The following KDM2A variants were observed in gnomAD, a reference collection of about 807,000 sequenced individuals.
KDM2A encodes the protein lysine-specific demethylase 2A.
KDM2A carries 3 observed loss-of-function variants against 137.3 expected under a neutral mutation model. The observed-to-expected ratio is 0.02, with a 90% CI of 0.01 to 0.06. KDM2A has a LOEUF of 0.06. Among genes scored for constraint, KDM2A ranks in the 10% least tolerant of loss-of-function variants. The pLI is 1.00. For synonymous variants in KDM2A, 512 were observed against 541.5 expected (o/e 0.95, Z 0.76); for missense variants, 738 against 1,510.6 (o/e 0.49, Z 8.48).
chr11:67,202,119 G>GT (rs1265157620), intron 5 of KDM2A, among the ~76,000 whole-genome samples: 1 of 152,132 alleles, frequency 6.6e-6, no homozygotes, highest in Non-Finnish European at 1.5e-5. Flanking sequence ...GGTGAAAATA[G>GT]TGAGAGAGCT....
intron 18 of KDM2A, 124 bp from the exon 19 acceptor site, chr11:67,253,327 TAA>T: frequency 1.2e-6 from 1 of 814,408 alleles, no homozygotes; most frequent in Non-Finnish European, 2.0e-6. Context: ...GCTGGATGAC[TAA>T]AAGATTAGGC....
chr11:67,200,826 A>AT (rs1218387898), intron 5 of KDM2A, among the ~76,000 whole-genome samples: 1 of 152,124 alleles, frequency 6.6e-6, no homozygotes, highest in African/African-American at 2.4e-5. Flanking sequence ...TACCGTTTTC[A>AT]TGCCAGATAG....
chr11:67,231,173 A>G (rs985565964), intron 11 of KDM2A, among the ~76,000 whole-genome samples: 1 of 152,042 alleles, frequency 6.6e-6, no homozygotes, highest in Non-Finnish European at 1.5e-5. Context: ...GGCTAAAACT[A>G]TTTTTTAAAC....
At chr11:67,253,985 G>A (rs1296113942) in intron 19 of KDM2A, among the ~76,000 whole-genome samples, 1 of 152,186 alleles carries the variant, frequency 6.6e-6, no homozygotes, top group Non-Finnish European at 1.5e-5. Context: ...GTGTGCATGA[G>A]GCATAATCTA....
intron 5 of KDM2A, among the ~76,000 whole-genome samples, chr11:67,191,032 A>T (rs1244541463): frequency 6.6e-6 from 1 of 152,182 alleles, no homozygotes; most frequent in Admixed American, 6.6e-5. Context: ...CAAAGAATTT[A>T]AGAGGGAACA....
chr11:67,227,788 C>T (rs1027610474), intron 10 of KDM2A, among the ~76,000 whole-genome samples: 1 of 152,090 alleles, frequency 6.6e-6, no homozygotes, highest in Admixed American at 6.5e-5. Flanking sequence ...TCAGGCTGGT[C>T]GCGAACTCCT....
At chr11:67,247,061 ATATATATATATTTTTTT>A (rs1859254375) in intron 15 of KDM2A, among the ~76,000 whole-genome samples, 1 of 24,478 alleles carries the variant, frequency 4.1e-5, no homozygotes, top group African/African-American at 1.8e-4. Flanking sequence ...ATATATATAT[ATATATATATATTTTTTT>A]TTTTTTTTTT....
chr11:67,130,629 C>G (rs1245247876), intron 2 of KDM2A, among the ~76,000 whole-genome samples: 4 of 152,022 alleles, frequency 2.6e-5, no homozygotes, highest in Non-Finnish European at 5.9e-5. Flanking sequence ...TTCTTTGTAT[C>G]TTTCTATTTT....
chr11:67,231,038 C>T (rs1858701539), intron 11 of KDM2A, among the ~76,000 whole-genome samples: 2 of 151,854 alleles, frequency 1.3e-5, no homozygotes, highest in Admixed American at 1.3e-4. Flanking sequence ...CTCACTGCAG[C>T]CTCAACCTCC....
intron 2 of KDM2A, among the ~76,000 whole-genome samples, chr11:67,124,880 C>A (rs1460815090): frequency 2.0e-5 from 3 of 146,406 alleles, no homozygotes; most frequent in Non-Finnish European, 3.0e-5. Context: ...TTTTTTGAGA[C>A]AGAGTCTTGC....
intron 2 of KDM2A, among the ~76,000 whole-genome samples, chr11:67,178,758 A>C (rs2136333185): frequency 6.6e-6 from 1 of 152,256 alleles, no homozygotes; most frequent in South Asian, 2.1e-4. Flanking sequence ...ATCTCATTGT[A>C]TAGGTATACC....
intron 12 of KDM2A, 81 bp downstream of exon 12, chr11:67,232,041 G>T (rs1858734014): frequency 7.2e-7 from 1 of 1,396,412 alleles, no homozygotes; most frequent in Non-Finnish European, 9.6e-7. Flanking sequence ...GAAAATATAG[G>T]AATTTTGGGT....
intron 2 of KDM2A, among the ~76,000 whole-genome samples, chr11:67,130,230 A>G (rs761893693): frequency 6.6e-6 from 1 of 151,506 alleles, no homozygotes; most frequent in African/African-American, 2.4e-5. Flanking sequence ...TTGAACTCAT[A>G]CTTCGTGTTT....
intron 2 of KDM2A, among the ~76,000 whole-genome samples, chr11:67,179,492 CTA>C (rs1857041269): frequency 6.6e-6 from 1 of 152,140 alleles, no homozygotes; most frequent in Non-Finnish European, 1.5e-5. Context: ...AGGCTGGTCT[CTA>C]ATCTCGAACT....
intron 5 of KDM2A, among the ~76,000 whole-genome samples, chr11:67,203,951 C>T (rs977130354): frequency 6.6e-6 from 1 of 151,952 alleles, no homozygotes; most frequent in African/African-American, 2.4e-5. Flanking sequence ...TGGCCGCGTA[C>T]CACCACGCCC....
intron 1 of KDM2A, among the ~76,000 whole-genome samples, chr11:67,120,567 C>T (rs1171102892): frequency 6.6e-6 from 1 of 152,092 alleles, no homozygotes; most frequent in Non-Finnish European, 1.5e-5. Flanking sequence ...TATTTTATTA[C>T]TTTATCCAAA....
intron 2 of KDM2A, among the ~76,000 whole-genome samples, chr11:67,150,248 T>A (rs1376431564): frequency 6.6e-6 from 1 of 152,206 alleles, no homozygotes; most frequent in African/African-American, 2.4e-5. Flanking sequence ...ATTCACTGCC[T>A]CTCAGTTTAC....
chr11:67,215,820 A>G, intron 7 of KDM2A, 36 bp from the exon 8 acceptor site: 1 of 1,541,844 alleles, frequency 6.5e-7, no homozygotes, highest in Non-Finnish European at 9.0e-7. Context: ...ACTTTTTTCC[A>G]TCAGTACACT....
chr11:67,190,414 AAAAG>A (rs1336270248), intron 5 of KDM2A, among the ~76,000 whole-genome samples: 1 of 152,166 alleles, frequency 6.6e-6, no homozygotes, highest in Non-Finnish European at 1.5e-5. Flanking sequence ...CCGACTCAAA[AAAAG>A]AAAGTGAAAG....
Sources: allele counts gnomAD v4.1 joint callset (sites outside exome capture counted in the v4.1 genomes callset), GRCh38; gene constraint gnomAD v4.1.1; transcripts MANE v1.5; gene names NCBI Gene and HGNC (gene_info 2026-07-23, HGNC 2026-07-21).